CREB5: variants seen among roughly 807,000 people sequenced by gnomAD.
CREB5 encodes the protein cyclic AMP-responsive element-binding protein 5.
A neutral mutation model predicts 57.1 loss-of-function variants in CREB5; 19 were observed. That is an observed-to-expected ratio of 0.33 (90% CI 0.23 to 0.49). CREB5 has a LOEUF of 0.49. CREB5 is among the 20% of genes least tolerant of loss of function. The probability of loss-of-function intolerance (pLI) is 0.99; values close to 1 mark genes in which losing one functional copy is unlikely to be tolerated. For synonymous variants in CREB5, 238 were observed against 238.3 expected, an observed-to-expected ratio of 1.00 and a Z score of 0.01; for missense variants, 579 against 671.6, an observed-to-expected ratio of 0.86 and a Z score of 1.52.
chr7:28,331,813 C>G (rs1431295071), intron 1 of CREB5, among the ~76,000 whole-genome samples: 1 of 145,896 alleles, frequency 6.9e-6, no homozygotes, highest in East Asian at 2.0e-4. Context: ...TGTGCCATTG[C>G]ACTCCAGCCT....
chr7:28,713,768 T>C (rs1471623188), intron 5 of CREB5, among the ~76,000 whole-genome samples: 2 of 152,186 alleles, frequency 1.3e-5, no homozygotes, highest in Non-Finnish European at 2.9e-5. Context: ...CATTACAAGA[T>C]GGTGAAATGG....
At chr7:28,598,628 C>T (rs1796784830) in intron 5 of CREB5, among the ~76,000 whole-genome samples, 1 of 152,006 alleles carries the variant, frequency 6.6e-6, no homozygotes, top group African/African-American at 2.4e-5. Context: ...TATCACTCAC[C>T]CCAACCTAGA....
chr7:28,797,337 G>C (rs1056019000), intron 7 of CREB5, among the ~76,000 whole-genome samples: 1 of 152,164 alleles, frequency 6.6e-6, no homozygotes, highest in Non-Finnish European at 1.5e-5. Context: ...CAATGGACTA[G>C]AGTATTGATT....
intron 4 of CREB5, among the ~76,000 whole-genome samples, chr7:28,535,817 G>C (rs79100416): frequency 0.048 from 7,314 of 152,188 alleles, 447 homozygotes; most frequent in East Asian, 0.32. Context: ...CATTTCTATT[G>C]CACTCCTTTT....
intron 7 of CREB5, among the ~76,000 whole-genome samples, chr7:28,787,079 C>T (rs1807372553): frequency 6.6e-6 from 1 of 152,182 alleles, no homozygotes; most frequent in Non-Finnish European, 1.5e-5. Flanking sequence ...AGGGTCCGCC[C>T]ATACCTGCTG....
intron 1 of CREB5, among the ~76,000 whole-genome samples, chr7:28,452,622 C>T (rs1789877690): frequency 6.6e-6 from 1 of 152,160 alleles, no homozygotes; most frequent in African/African-American, 2.4e-5. Flanking sequence ...CATCCCTAGA[C>T]CTGCAGGAGC....
intron 5 of CREB5, among the ~76,000 whole-genome samples, chr7:28,572,272 G>C (rs983844064): frequency 6.6e-6 from 1 of 152,186 alleles, no homozygotes; most frequent in Admixed American, 6.5e-5. Context: ...CTGGCCCTTC[G>C]AATGCTCGGC....
At chr7:28,539,439 T>C (rs1258368234) in intron 4 of CREB5, among the ~76,000 whole-genome samples, 1 of 152,246 alleles carries the variant, frequency 6.6e-6, no homozygotes, top group African/African-American at 2.4e-5. Flanking sequence ...TTATTTTCTG[T>C]GTTTTACAAA....
intron 5 of CREB5, among the ~76,000 whole-genome samples, chr7:28,648,458 G>A (rs544020221): frequency 1.2e-4 from 19 of 152,134 alleles, no homozygotes; most frequent in African/African-American, 4.1e-4. Flanking sequence ...AACTTTGGCC[G>A]GGTGCTGTGG....
chr7:28,705,777 G>A (rs188383388), intron 5 of CREB5, among the ~76,000 whole-genome samples: 47 of 152,294 alleles, frequency 3.1e-4, no homozygotes, highest in Non-Finnish European at 6.0e-4. Flanking sequence ...GGGCCACCAG[G>A]GAAGAGAAAA....
chr7:28,608,549 C>T (rs554399026), intron 5 of CREB5, among the ~76,000 whole-genome samples: 1 of 152,138 alleles, frequency 6.6e-6, no homozygotes, highest in Non-Finnish European at 1.5e-5. Context: ...GTCTCCCTGC[C>T]TCCCTGGCTC....
At chr7:28,767,556 A>G (rs549525079) in intron 7 of CREB5, among the ~76,000 whole-genome samples, 19 of 152,326 alleles carry the variant, frequency 1.2e-4, no homozygotes, top group African/African-American at 4.3e-4. Context: ...CAGAGTTTCC[A>G]AGATGAATCA....
intron 1 of CREB5, among the ~76,000 whole-genome samples, chr7:28,449,217 T>A (rs543158812): frequency 3.9e-5 from 6 of 152,308 alleles, no homozygotes; most frequent in African/African-American, 1.4e-4. Context: ...TTTGTTTGGT[T>A]TTGTTTTTGT....
chr7:28,444,485 C>T (rs899389791), intron 1 of CREB5, among the ~76,000 whole-genome samples: 3 of 152,184 alleles, frequency 2.0e-5, no homozygotes, highest in African/African-American at 7.2e-5. Flanking sequence ...TACCTTTGAA[C>T]TGTCGTGGGG....
At chr7:28,743,777 T>G (rs920018017) in intron 7 of CREB5, among the ~76,000 whole-genome samples, 2 of 151,096 alleles carry the variant, frequency 1.3e-5, no homozygotes, top group Non-Finnish European at 2.9e-5. Flanking sequence ...GATGGCCAAC[T>G]TCCCCCTGTG....
chr7:28,487,029 AT>A (rs905919792), intron 1 of CREB5, among the ~76,000 whole-genome samples: 1 of 152,088 alleles, frequency 6.6e-6, no homozygotes, highest in Non-Finnish European at 1.5e-5. Flanking sequence ...TCTGATGTTT[AT>A]TTTTGAGACG....
chr7:28,604,044 C>A (rs1797025173), intron 5 of CREB5, among the ~76,000 whole-genome samples: 1 of 152,090 alleles, frequency 6.6e-6, no homozygotes, highest in Non-Finnish European at 1.5e-5. Flanking sequence ...AGTTTTCAAA[C>A]CAGTTCATGT....
chr7:28,560,973 C>CGT (rs1201099608), intron 4 of CREB5, among the ~76,000 whole-genome samples: 318 of 31,660 alleles, frequency 0.01, 45 homozygotes, highest in African/African-American at 0.038. Flanking sequence ...TGTGTGTGTG[C>CGT]GTGTGTGCGT....
intron 1 of CREB5, among the ~76,000 whole-genome samples, chr7:28,422,334 A>T (rs1045553405): frequency 6.6e-6 from 1 of 152,126 alleles, no homozygotes; most frequent in Non-Finnish European, 1.5e-5. Context: ...GTAGACCTAT[A>T]CATCAATGGA....
Sources: gnomAD v4.1 joint callset for allele counts (sites outside exome capture counted in the v4.1 genomes callset) on GRCh38, gnomAD v4.1.1 for gene constraint, MANE v1.5 for transcripts, NCBI Gene and HGNC (gene_info 2026-07-23, HGNC 2026-07-21) for gene names.